Variants in STRADB observed in about 807,000 individuals in gnomAD.
STRADB encodes STE20-related kinase adapter protein beta.
STRADB carries 34 observed loss-of-function variants against 52.1 expected under a neutral mutation model. The observed-to-expected ratio is 0.65, with a 90% confidence interval of 0.50 to 0.87. The LOEUF is 0.87. Among genes scored for constraint, STRADB ranks in the 40% least tolerant of loss-of-function variants. The pLI is 0.00. For synonymous variants in STRADB, 133 were observed against 174.5 expected, an observed-to-expected ratio of 0.76 and a Z score of 1.87; for missense variants, 340 against 483.9, an observed-to-expected ratio of 0.70 and a Z score of 2.79.
At chr2:201,470,679 A>G (rs1952375706) in intron 4 of STRADB, among the ~76,000 whole-genome samples, 1 of 152,188 alleles carries the variant, frequency 6.6e-6, no homozygotes, top group East Asian at 1.9e-4. Flanking sequence ...AGGGTACTTT[A>G]GTAGAGGTAT....
rs918990974 is a variant in STRADB, at chr2:201,472,281, A to C, written c.194-674A>C. 3.9e-5 allele frequency among the ~76,000 whole-genome samples: 6 copies of C among 152,374 alleles called. No individual in the cohort carries two copies. The East Asian group carries it at 1.2e-3, about 29-fold the overall frequency. ...ATTTGCCAAAGATAAATGAAAACAC[A>C]TGTCTACTTAAAAACCTGTATAGGA... On this transcript the variant is annotated intron_variant, in intron 4 of 11. Transcript: ENST00000194530.
chr2:201,477,679 G>T lies in STRADB; in HGVS notation c.609G>T (p.Leu203=), dbSNP rs12990557. Residue 203 remains leucine, a synonymous_variant, in exon 8 of 12, where the codon CTG becomes CTT. Transcript: ENST00000194530. ...ATGGCCTAGTGACCCTCTCTGGCCT[G>T]TCCCATCTGCATAGTTTGGTTAAGC... ...SGDGLVTLSG[L]SHLHSLVKHG... is the part of the protein sequence containing the mutation. 933,508 of 1,611,868 alleles carry T rather than the reference G, an allele frequency of 0.58. 276,186 individuals are homozygous for T. Among genetic ancestry groups the T allele is most frequent in the South Asian group, 0.63 (57,580 of 91,000 alleles).
Position 201,472,949 on chromosome 2 carries a change from T to C in STRADB, c.194-6T>C, listed in dbSNP as rs1389188853. 3 of 1,596,592 alleles carry C rather than the reference T, an allele frequency of 1.9e-6. No homozygotes were observed. The highest frequency in any genetic ancestry group is 2.6e-6 in the Non-Finnish European group (3 of 1,173,010). On this transcript the variant is annotated splice_polypyrimidine_tract_variant and splice_region_variant and intron_variant, in intron 4 of 11. Coordinates refer to ENST00000194530, the MANE Select transcript of STRADB (RefSeq NM_018571.6). ...TTACTAACATGAGTTTTATGTCTGATTACAGGAAGAGGATTTGACAACTTG... is the reference window on the plus strand; with the variant it reads ...TTACTAACATGAGTTTTATGTCTGACTACAGGAAGAGGATTTGACAACTTG...
intron 2 of STRADB, among the ~76,000 whole-genome samples, chr2:201,458,412 A>G (rs1013941190): frequency 2.6e-5 from 4 of 152,262 alleles, no homozygotes; most frequent in African/African-American, 9.6e-5. Context: ...AATAATTATA[A>G]TGAATTCAGC....
intron 3 of STRADB, among the ~76,000 whole-genome samples, chr2:201,467,500 T>C (rs1574286672): frequency 6.6e-6 from 1 of 152,202 alleles, no homozygotes; most frequent in African/African-American, 2.4e-5. Flanking sequence ...CACCGGTTAC[T>C]CCATATTTCT....
At chr2:201,473,097 A>G (rs201201532) in intron 5 of STRADB, 21 bp downstream of exon 5, 1 of 1,607,186 alleles carries the variant, frequency 6.2e-7, no homozygotes, top group African/African-American at 1.3e-5. Flanking sequence ...GAAGAAAATG[A>G]TACACAGTTG....
intron 2 of STRADB, among the ~76,000 whole-genome samples, chr2:201,457,696 A>G (rs1437735121): frequency 6.6e-6 from 1 of 152,186 alleles, no homozygotes; most frequent in Non-Finnish European, 1.5e-5. Flanking sequence ...ATTGTACTTT[A>G]ATGTTAATAT....
chr2:201,479,750 A>G (rs1952540760), intron 11 of STRADB, among the ~76,000 whole-genome samples: 1 of 152,232 alleles, frequency 6.6e-6, no homozygotes, highest in South Asian at 2.1e-4. Context: ...AAAATGGACT[A>G]TCATCACATT....
chr2:201,479,533 T>C lies in STRADB; in HGVS notation c.1113+2T>C, dbSNP rs1243431248. The C allele has an allele frequency of 6.9e-6, 11 of 1,601,506 alleles. No homozygotes were observed. The Admixed American group carries it at 1.9e-4, about 28-fold the overall frequency. On this transcript the variant is annotated splice_donor_variant, in intron 11 of 11. Transcript: ENST00000194530. LOFTEE classifies it high-confidence loss of function. ...TTGTCCCATGTTTTCTTCAAACAGG[T>C]GAGCTGATCTATCATCCGTTGTCTC...
intron 5 of STRADB, among the ~76,000 whole-genome samples, chr2:201,474,405 T>G (rs865937520): frequency 6.6e-6 from 1 of 152,318 alleles, no homozygotes. Flanking sequence ...CCACTTCTTT[T>G]TATTAATTGC....
chr2:201,478,254 T>C, intron 9 of STRADB, 63 bp downstream of exon 9: 2 of 1,590,572 alleles, frequency 1.3e-6, no homozygotes, highest in Non-Finnish European at 1.7e-6. Flanking sequence ...TTCTAGATAA[T>C]TTCTGTTAAA....
intron 8 of STRADB, 121 bp downstream of exon 8, chr2:201,477,911 T>C: frequency 7.6e-7 from 1 of 1,311,960 alleles, no homozygotes; most frequent in South Asian, 1.4e-5. Context: ...TTTATTTCTC[T>C]TTCTTGTCAA....
intron 3 of STRADB, among the ~76,000 whole-genome samples, chr2:201,459,961 C>T (rs1363986804): frequency 1.3e-5 from 2 of 152,078 alleles, no homozygotes; most frequent in East Asian, 1.9e-4. Flanking sequence ...GTTCTGCTCC[C>T]GTGTATCTTA....
intron 10 of STRADB, 124 bp downstream of exon 10, chr2:201,478,725 T>C: frequency 1.8e-6 from 2 of 1,139,626 alleles, no homozygotes; most frequent in African/African-American, 3.1e-5. Context: ...CTCTAGAAAA[T>C]ATCAATGCTA....
In STRADB at chr2:201,454,937, G is replaced by A. The variant is rs1193276508; in HGVS notation, c.12+85G>A. 42 of 1,227,956 alleles carry A rather than the reference G, an allele frequency of 3.4e-5. No individual in the cohort carries two copies. In the East Asian group the frequency reaches 9.8e-4, roughly 29 times the overall value. 76.1% of individuals were successfully genotyped at this position (1,227,956 alleles called of 1,614,324 possible). Reference sequence around the variant, plus strand: ...CAAGCCATAATAAAAGGCATATTCTGATGGGATATTCTTATGCTCTGAGAT... The same window carrying A: ...CAAGCCATAATAAAAGGCATATTCTAATGGGATATTCTTATGCTCTGAGAT... On this transcript the variant is annotated intron_variant, in intron 2 of 11. Coordinates refer to ENST00000194530, the MANE Select transcript of STRADB (RefSeq NM_018571.6).
At chr2:201,464,532 G>T (rs1313252711) in intron 3 of STRADB, among the ~76,000 whole-genome samples, 1 of 152,198 alleles carries the variant, frequency 6.6e-6, no homozygotes, top group Non-Finnish European at 1.5e-5. Context: ...ACTGCACTGG[G>T]TCAGACCTGA....
rs779975650 is a variant in STRADB, at chr2:201,475,684, A to T, written c.490A>T (p.Ile164Phe). 28 of 1,612,348 alleles carry T rather than the reference A, an allele frequency of 1.7e-5. No individual in the cohort carries two copies. Among genetic ancestry groups the T allele is most frequent in the Non-Finnish European group, 1.9e-5 (23 of 1,179,938 alleles). Residue 164 changes from isoleucine (I) to phenylalanine (F), a missense_variant, in exon 7 of 12, where the codon ATT becomes TTT. Transcript: ENST00000194530. Reference sequence around the variant, plus strand: ...AATGAGTGAAACTTTAATAAGAAACATTCTCTTTGGAGCCGTGAGAGGGTT... The same window carrying T: ...AATGAGTGAAACTTTAATAAGAAACTTTCTCTTTGGAGCCGTGAGAGGGTT... Reference protein sequence around the residue: ...EGMSETLIRNILFGAVRGLNY... With the variant: ...EGMSETLIRNFLFGAVRGLNY...
chr2:201,467,944 A>T, intron 3 of STRADB, among the ~76,000 whole-genome samples: 1 of 148,728 alleles, frequency 6.7e-6, no homozygotes. Flanking sequence ...GGTATCCTCA[A>T]TTTTGTATTT....
intron 2 of STRADB, among the ~76,000 whole-genome samples, chr2:201,458,158 G>A (rs942706935): frequency 9.9e-5 from 15 of 152,150 alleles, no homozygotes; most frequent in African/African-American, 1.7e-4. Context: ...CCCACTGATT[G>A]ATGATGTGAT....
Sources: gnomAD v4.1 joint callset for allele counts (sites outside exome capture counted in the v4.1 genomes callset) on GRCh38, gnomAD v4.1.1 for gene constraint, MANE v1.5 for transcripts, NCBI Gene and HGNC (gene_info 2026-07-23, HGNC 2026-07-21) for gene names.